Variants in SV2C observed in about 807,000 individuals in gnomAD.
SV2C encodes solute carrier family 22 member B3.
In SV2C, 49 loss-of-function variants were observed where a neutral mutation model predicts 79.7. That is an observed-to-expected ratio of 0.61 (90% CI 0.49 to 0.78). The LOEUF (loss-of-function observed/expected upper bound fraction) is 0.78. SV2C is among the 30% of genes least tolerant of loss of function. The pLI, the probability that SV2C is intolerant of heterozygous loss-of-function variation, is 0.00. For synonymous variants in SV2C, 334 were observed against 333.2 expected (o/e 1.00, Z -0.03); for missense variants, 833 against 912.9 (o/e 0.91, Z 1.13).
chr5:75,985,142 T>C, the SV2C span, among the ~76,000 whole-genome samples: 1 of 151,822 alleles, frequency 6.6e-6, no homozygotes, highest in African/African-American at 2.4e-5. Context: ...AGCAGCTATG[T>C]GCAAAAAGAT....
intron 1 of SV2C, among the ~76,000 whole-genome samples, chr5:76,116,567 C>T (rs1748274069): frequency 6.6e-6 from 1 of 152,184 alleles, no homozygotes; most frequent in South Asian, 2.1e-4. Flanking sequence ...GTTTCCCTCA[C>T]ATAAGTTCCA....
chr5:76,123,422 C>A (rs1476615263), intron 1 of SV2C, among the ~76,000 whole-genome samples: 1 of 151,956 alleles, frequency 6.6e-6, no homozygotes, highest in Non-Finnish European at 1.5e-5. Flanking sequence ...GAGACACAAC[C>A]AAAAAAGAGA....
chr5:76,022,042 C>T, the SV2C span, among the ~76,000 whole-genome samples: 53 of 152,282 alleles, frequency 3.5e-4, no homozygotes, highest in East Asian at 8.5e-3. Flanking sequence ...AAGGTTAAAA[C>T]GATTTGTCCC....
chr5:76,083,690 C>T (rs1747071901), intron 1 of SV2C, among the ~76,000 whole-genome samples, 178 bp downstream of exon 1: 1 of 152,328 alleles, frequency 6.6e-6, no homozygotes, highest in South Asian at 2.1e-4. Flanking sequence ...GCTTTGTAGG[C>T]GCCTTTGTTG....
intron 1 of SV2C, among the ~76,000 whole-genome samples, chr5:76,111,606 G>A (rs114994220): frequency 0.014 from 2,124 of 152,182 alleles, 49 homozygotes; most frequent in African/African-American, 0.044. Flanking sequence ...TCTCCAGACC[G>A]TACTGGCCGT....
chr5:76,199,662 A>T (rs1052390480), intron 3 of SV2C, among the ~76,000 whole-genome samples: 1 of 152,234 alleles, frequency 6.6e-6, no homozygotes, highest in African/African-American at 2.4e-5. Context: ...ATTGTAAAAG[A>T]CAGTGGAGTT....
chr5:76,304,956 A>G lies in SV2C; in HGVS notation c.2000+3411A>G, dbSNP rs1748134554. ...TGGTTCTGCAGACTATACAGGAAGCATAGGAAGCATAGTGGCATCTGCTTC... is the reference window on the plus strand; with the variant it reads ...TGGTTCTGCAGACTATACAGGAAGCGTAGGAAGCATAGTGGCATCTGCTTC... On this transcript the variant is annotated intron_variant, in intron 12 of 12. Transcript: ENST00000502798. Among the ~76,000 whole-genome samples the G allele has an allele frequency of 3.3e-5, 5 of 152,246 alleles. No individual in the cohort carries two copies. In the South Asian group the frequency reaches 1.0e-3, roughly 32 times the overall value.
intron 2 of SV2C, among the ~76,000 whole-genome samples, chr5:76,152,530 T>C (rs1259636130): frequency 2.0e-5 from 3 of 152,214 alleles, no homozygotes; most frequent in Non-Finnish European, 4.4e-5. Flanking sequence ...TTGAAAACTG[T>C]GTCAGTTACA....
intron 10 of SV2C, among the ~76,000 whole-genome samples, chr5:76,300,455 G>A (rs1162477083): frequency 2.0e-5 from 3 of 152,038 alleles, no homozygotes; most frequent in Non-Finnish European, 2.9e-5. Flanking sequence ...AGCAATGGCC[G>A]ACCATAGGAA....
At chr5:76,073,503 G>GTA in the SV2C span, among the ~76,000 whole-genome samples, 9,043 of 66,670 alleles carry the variant, frequency 0.14, 644 homozygotes, top group Non-Finnish European at 0.18. Flanking sequence ...GTATGTGTGT[G>GTA]TATATATATA....
chr5:76,114,358 C>G (rs973146483), intron 1 of SV2C, among the ~76,000 whole-genome samples: 1 of 152,122 alleles, frequency 6.6e-6, no homozygotes, highest in African/African-American at 2.4e-5. Flanking sequence ...AAGAACCTTG[C>G]AAAATGAAAT....
the SV2C span, among the ~76,000 whole-genome samples, chr5:75,874,081 A>G: frequency 8.3e-3 from 1,261 of 152,254 alleles, 24 homozygotes; most frequent in African/African-American, 0.029. Context: ...CTGATACCAA[A>G]ACCTGGCAGA....
chr5:75,858,972 T>G, the SV2C span, among the ~76,000 whole-genome samples: 1 of 152,182 alleles, frequency 6.6e-6, no homozygotes, highest in African/African-American at 2.4e-5. Flanking sequence ...TTTATTTGGG[T>G]TTTCTCTCTT....
the SV2C span, among the ~76,000 whole-genome samples, chr5:76,018,904 C>T: frequency 6.6e-6 from 1 of 152,156 alleles, no homozygotes; most frequent in African/African-American, 2.4e-5. Context: ...ATTCTTTATA[C>T]AGTGCTGGGT....
At chr5:76,165,179 A>C (rs1020039608) in intron 2 of SV2C, among the ~76,000 whole-genome samples, 5 of 152,142 alleles carry the variant, frequency 3.3e-5, no homozygotes, top group African/African-American at 1.2e-4. Flanking sequence ...GACTCAATAG[A>C]AGTTGTAGCA....
chr5:75,885,427 T>C, the SV2C span, among the ~76,000 whole-genome samples: 1 of 152,136 alleles, frequency 6.6e-6, no homozygotes, highest in Non-Finnish European at 1.5e-5. Context: ...GCAGATTTGC[T>C]AGCAGTCTTT....
chr5:75,882,029 G>A, the SV2C span, among the ~76,000 whole-genome samples: 2 of 150,064 alleles, frequency 1.3e-5, no homozygotes, highest in Admixed American at 1.3e-4. Context: ...TTTTGTCAAA[G>A]GCCTTTTCTG....
intron 1 of SV2C, among the ~76,000 whole-genome samples, chr5:76,085,870 T>C (rs1580254210): frequency 1.9e-5 from 2 of 106,432 alleles, no homozygotes; most frequent in Admixed American, 2.0e-4. Context: ...GAATTTTCTT[T>C]TAAAAAATTC....
At chr5:76,085,245 C>T (rs1747145606) in intron 1 of SV2C, among the ~76,000 whole-genome samples, 1 of 152,170 alleles carries the variant, frequency 6.6e-6, no homozygotes, top group East Asian at 1.9e-4. Context: ...CAACCCGTTG[C>T]GCCACCATTC....
Sources: gnomAD v4.1 joint callset for allele counts (sites outside exome capture counted in the v4.1 genomes callset) on GRCh38, gnomAD v4.1.1 for gene constraint, MANE v1.5 for transcripts, NCBI Gene and HGNC (gene_info 2026-07-23, HGNC 2026-07-21) for gene names.